TMTC2: variants seen among roughly 807,000 people sequenced by gnomAD.
TMTC2 encodes protein O-mannosyl-transferase TMTC2.
A neutral mutation model predicts 82.4 loss-of-function variants in TMTC2; 43 were observed. The observed-to-expected ratio is 0.52, with a 90% confidence interval of 0.41 to 0.67. TMTC2 has a LOEUF of 0.67. Among genes scored for constraint, TMTC2 ranks in the 30% least tolerant of loss-of-function variants. The pLI is 0.00. For synonymous variants in TMTC2, 408 were observed against 381.9 expected (o/e 1.07, Z -0.80); for missense variants, 919 against 1,012.4 (o/e 0.91, Z 1.25).
intron 1 of TMTC2, among the ~76,000 whole-genome samples, chr12:82,820,744 T>C (rs891486842): frequency 6.6e-6 from 1 of 152,272 alleles, no homozygotes; most frequent in Non-Finnish European, 1.5e-5. Flanking sequence ...AACATACTAT[T>C]GATCCTTAAT....
intron 11 of TMTC2, among the ~76,000 whole-genome samples, chr12:83,080,058 G>A (rs1460795799): frequency 6.6e-6 from 1 of 152,084 alleles, no homozygotes; most frequent in Non-Finnish European, 1.5e-5. Context: ...TCATTGCATA[G>A]TACAACATTA....
chr12:82,732,129 A>G (rs1468344196), intron 1 of TMTC2, among the ~76,000 whole-genome samples: 4 of 152,214 alleles, frequency 2.6e-5, no homozygotes, highest in Admixed American at 2.6e-4. Flanking sequence ...AGAATTAAGT[A>G]CTTATGTATT....
intron 8 of TMTC2, among the ~76,000 whole-genome samples, chr12:83,017,708 AC>A (rs1443773555): frequency 6.6e-6 from 1 of 151,972 alleles, no homozygotes; most frequent in African/African-American, 2.4e-5. Context: ...TTAAGAAGTT[AC>A]TTTTTCTTTA....
intron 3 of TMTC2, among the ~76,000 whole-genome samples, chr12:82,915,346 C>G (rs1874941693): frequency 6.6e-6 from 1 of 152,132 alleles, no homozygotes; most frequent in Non-Finnish European, 1.5e-5. Flanking sequence ...TCCCACATTA[C>G]ATATTTACTA....
At chr12:83,048,054 A>G (rs1036345) in intron 9 of TMTC2, among the ~76,000 whole-genome samples, 45,645 of 152,090 alleles carry the variant, frequency 0.3, 6,992 homozygotes, top group East Asian at 0.46. Context: ...ACAATTAATA[A>G]TTTCCTACAT....
intron 1 of TMTC2, among the ~76,000 whole-genome samples, chr12:82,821,818 C>A (rs894981977): frequency 6.8e-6 from 1 of 148,140 alleles, no homozygotes; most frequent in Admixed American, 6.9e-5. Flanking sequence ...GGTTGGAGAC[C>A]GAGGTTGCAG....
Position 83,021,616 on chromosome 12 carries a change from G to A in TMTC2, c.2071-9182G>A, listed in dbSNP as rs943555816. ...TCTATAAAAAAAATTTTTTTTTAAT[G>A]TAGAGTCATCTTTGACTCTTCTTTT... On this transcript the variant is annotated intron_variant, in intron 8 of 11. Coordinates refer to ENST00000321196, the MANE Select transcript of TMTC2 (RefSeq NM_152588.3). Among the ~76,000 whole-genome samples the A allele has an allele frequency of 1.5e-4, 22 of 151,272 alleles. 1 individual carries two copies. The East Asian group carries it at 4.3e-3, about 30-fold the overall frequency.
At chr12:82,960,325 C>G (rs989324351) in intron 4 of TMTC2, among the ~76,000 whole-genome samples, 3 of 152,050 alleles carry the variant, frequency 2.0e-5, no homozygotes, top group Non-Finnish European at 4.4e-5. Flanking sequence ...AAGACACATG[C>G]ACTCACATGT....
At chr12:82,993,054 G>T (rs945914446) in intron 8 of TMTC2, among the ~76,000 whole-genome samples, 11 of 151,734 alleles carry the variant, frequency 7.2e-5, no homozygotes, top group African/African-American at 2.7e-4. Context: ...GCACGATTTC[G>T]GCTCACTGCA....
chr12:82,734,551 T>C (rs1874990597), intron 1 of TMTC2, among the ~76,000 whole-genome samples: 2 of 152,176 alleles, frequency 1.3e-5, no homozygotes, highest in South Asian at 2.1e-4. Flanking sequence ...AGAAATTCTT[T>C]CCTTTTGAAG....
intron 11 of TMTC2, among the ~76,000 whole-genome samples, chr12:83,124,835 A>G (rs1885057384): frequency 6.6e-6 from 1 of 152,150 alleles, no homozygotes; most frequent in African/African-American, 2.4e-5. Context: ...AAAGACAAAT[A>G]TTAGGTGGGA....
At chr12:83,007,918 T>C (rs1880278823) in intron 8 of TMTC2, among the ~76,000 whole-genome samples, 1 of 152,174 alleles carries the variant, frequency 6.6e-6, no homozygotes, top group Non-Finnish European at 1.5e-5. Flanking sequence ...TGTGGGGTTG[T>C]TTTTCAGTGT....
intron 10 of TMTC2, among the ~76,000 whole-genome samples, chr12:83,060,007 A>G (rs955523401): frequency 1.3e-5 from 2 of 151,682 alleles, no homozygotes; most frequent in African/African-American, 4.8e-5. Flanking sequence ...TTCCAAATGA[A>G]TCTGTACCAA....
At chr12:83,109,953 G>A (rs1034357523) in intron 11 of TMTC2, among the ~76,000 whole-genome samples, 2 of 152,096 alleles carry the variant, frequency 1.3e-5, no homozygotes, top group African/African-American at 4.8e-5. Flanking sequence ...GGTGACAATT[G>A]TACTGTAGTT....
intron 1 of TMTC2, among the ~76,000 whole-genome samples, chr12:82,776,399 C>T (rs975598515): frequency 3.9e-5 from 6 of 152,090 alleles, no homozygotes; most frequent in African/African-American, 1.2e-4. Flanking sequence ...ATTACCTGTG[C>T]ATTTTATTTC....
chr12:82,728,113 C>T (rs961623749), intron 1 of TMTC2, among the ~76,000 whole-genome samples: 3 of 127,690 alleles, frequency 2.3e-5, no homozygotes, highest in African/African-American at 7.6e-5. Context: ...TAGAATTGCG[C>T]ACATTAGAAT....
At chr12:82,746,630 A>G (rs1875706856) in intron 1 of TMTC2, among the ~76,000 whole-genome samples, 2 of 152,190 alleles carry the variant, frequency 1.3e-5, no homozygotes, top group African/African-American at 2.4e-5. Context: ...TCCAGGCCCT[A>G]TTGCAAAGGG....
At chr12:82,919,167 G>A (rs974482097) in intron 3 of TMTC2, among the ~76,000 whole-genome samples, 2 of 152,208 alleles carry the variant, frequency 1.3e-5, no homozygotes, top group Admixed American at 6.5e-5. Flanking sequence ...AACTGTAACA[G>A]AAGGCAAAAG....
chr12:82,703,494 C>CTTTTTTTTTTTTTTTTTTTTTTT (rs1873181045), intron 1 of TMTC2, among the ~76,000 whole-genome samples: 1 of 140,864 alleles, frequency 7.1e-6, no homozygotes, highest in African/African-American at 2.7e-5. Flanking sequence ...TAGATAGTTT[C>CTTTTTTTTTTTTTTTTTTTTTTT]TTTCTTTTTT....
Sources: gnomAD v4.1 joint callset for allele counts (sites outside exome capture counted in the v4.1 genomes callset) on GRCh38, gnomAD v4.1.1 for gene constraint, MANE v1.5 for transcripts, NCBI Gene and HGNC (gene_info 2026-07-23, HGNC 2026-07-21) for gene names.